The following GANC variants were observed in gnomAD, a reference collection of about 807,000 sequenced individuals.
GANC encodes the protein glucosidase alpha, neutral C, also known as neutral alpha-glucosidase C.
GANC carries 117 observed loss-of-function variants against 124.2 expected under a neutral mutation model. The ratio of observed to expected loss-of-function variants is 0.94; its 90% confidence interval spans 0.81 to 1.10. The LOEUF (loss-of-function observed/expected upper bound fraction) is 1.10. GANC is among the 50% of genes least tolerant of loss of function. The pLI, the probability that GANC is intolerant of heterozygous loss-of-function variation, is 0.00. For missense variants in GANC, 1,140 were observed against 1,095.0 expected (o/e 1.04, Z -0.58); for synonymous variants, 377 against 376.8 (o/e 1.00, Z -0.01).
Position 42,273,409 on chromosome 15 carries a change from G to C in GANC, c.-1073G>C. ...CGCAGCCGCCGCCATCTTCACAGCC[G>C]TGGAGTGCCTACCGAAAGCATTTCA... On this transcript the variant is annotated 5_prime_UTR_variant, in exon 1 of 24. Coordinates refer to ENST00000318010, the MANE Select transcript of GANC (RefSeq NM_198141.3). The C allele has an allele frequency of 6.2e-7, 1 of 1,613,722 alleles. No homozygotes were observed. The highest frequency in any genetic ancestry group is 8.5e-7 in the Non-Finnish European group (1 of 1,179,968).
rs2141063874 is a variant in GANC at position 42,329,442 on chromosome 15, T to C, written c.1637T>C (p.Phe546Ser). The C allele has an allele frequency of 6.2e-7, 1 of 1,608,968 alleles. No homozygotes were observed. The highest frequency in any genetic ancestry group is 1.3e-5 in the African/African-American group (1 of 74,778). The change falls in exon 14 of 24, where the codon TTT (phenylalanine) becomes TCT (serine). Residue 546 changes from phenylalanine (F) to serine (S), a missense_variant. Physicochemically the swap from Phe to Ser is radical, Grantham distance 155. Coordinates refer to ENST00000318010, the MANE Select transcript of GANC (RefSeq NM_198141.3). ...EHRELHNIYGFYHQMATAEGL... is the reference protein window; with the variant it reads ...EHRELHNIYGSYHQMATAEGL... The stretch of plus-strand genomic sequence containing the variant: ...AGAGAGCTCCACAACATCTACGGTT[T>C]TTATCATGTAAGACATCCAAAAAGA...
At chr15:42,284,655 G>A (rs937132832) in intron 3 of GANC, among the ~76,000 whole-genome samples, 11 of 152,016 alleles carry the variant, frequency 7.2e-5, no homozygotes, top group African/African-American at 2.7e-4. Flanking sequence ...TAAAGAGATG[G>A]GGTCTCACTG....
At chr15:42,322,524 G>T (rs1412533611) in intron 11 of GANC, among the ~76,000 whole-genome samples, 4 of 152,110 alleles carry the variant, frequency 2.6e-5, no homozygotes, top group Non-Finnish European at 4.4e-5. Context: ...GCAGGCTGAG[G>T]CTTAGATAGT....
At chr15:42,284,235 T>G (rs1278766226) in intron 3 of GANC, 1 of 559,004 alleles carries the variant, frequency 1.8e-6, no homozygotes, top group East Asian at 2.9e-5. Context: ...TTGTTAATTC[T>G]ATTATGGTCT....
chr15:42,339,532 T>C, intron 16 of GANC, 137 bp from the exon 17 acceptor site: 1 of 1,004,260 alleles, frequency 1.0e-6, no homozygotes, highest in Non-Finnish European at 1.5e-6. Context: ...GTCACCTGTT[T>C]GAGGCCACGG....
intron 16 of GANC, 103 bp from the exon 17 acceptor site, chr15:42,339,566 A>G (rs1004269406): frequency 8.1e-6 from 11 of 1,358,694 alleles, no homozygotes; most frequent in Non-Finnish European, 1.1e-5. Flanking sequence ...TTTGAAGTGC[A>G]TATACTGCAC....
chr15:42,347,102 C>T (rs1232106437), intron 20 of GANC, among the ~76,000 whole-genome samples: 5 of 151,740 alleles, frequency 3.3e-5, no homozygotes, highest in African/African-American at 9.7e-5. Context: ...GAGACAAGCC[C>T]CCAGGTGCAT....
At chr15:42,349,523 TTTC>T in intron 22 of GANC, 28 bp downstream of exon 22, 1 of 1,301,754 alleles carries the variant, frequency 7.7e-7, no homozygotes, top group South Asian at 1.2e-5. Context: ...AACTGTTTGT[TTTC>T]TTAAGTAAAT....
chr15:42,338,934 C>T (rs1271633926), intron 16 of GANC, among the ~76,000 whole-genome samples: 1 of 152,104 alleles, frequency 6.6e-6, no homozygotes, highest in Non-Finnish European at 1.5e-5. Flanking sequence ...AAAACATATG[C>T]TCTTGAGAAA....
chr15:42,330,501 A>G (rs1432053742), intron 14 of GANC, 75 bp from the exon 15 acceptor site: 3 of 984,612 alleles, frequency 3.0e-6, no homozygotes, highest in Admixed American at 2.0e-5. Context: ...TGCTTTTTGT[A>G]TGTTAGATAG....
intron 6 of GANC, among the ~76,000 whole-genome samples, chr15:42,302,133 G>A (rs2051951369): frequency 6.6e-6 from 1 of 152,162 alleles, no homozygotes; most frequent in African/African-American, 2.4e-5. Flanking sequence ...GTGCCCCTCT[G>A]GGACTAAGCT....
chr15:42,320,957 A>G (rs2052150896), intron 10 of GANC, among the ~76,000 whole-genome samples: 2 of 151,674 alleles, frequency 1.3e-5, no homozygotes, highest in Non-Finnish European at 2.9e-5. Context: ...TGTTGAAATT[A>G]CTCCACTCCC....
At chr15:42,281,093 T>C (rs1204012241) in intron 3 of GANC, 1 of 702,566 alleles carries the variant, frequency 1.4e-6, no homozygotes, top group East Asian at 2.7e-5. Context: ...CTCCCAAGAC[T>C]GAGAACTTTG....
chr15:42,281,776 G>T (rs566659326), intron 3 of GANC, among the ~76,000 whole-genome samples: 1 of 152,324 alleles, frequency 6.6e-6, no homozygotes, highest in African/African-American at 2.4e-5. Context: ...TGTGAAGGCT[G>T]TACTAATAAA....
At chr15:42,312,690 G>A (rs994038274) in intron 10 of GANC, among the ~76,000 whole-genome samples, 30 of 152,160 alleles carry the variant, frequency 2.0e-4, no homozygotes, top group Non-Finnish European at 2.2e-4. Context: ...CTGTAATCCT[G>A]CACTTTGGGA....
chr15:42,295,788 A>G (rs115461068), intron 5 of GANC, among the ~76,000 whole-genome samples: 148 of 152,312 alleles, frequency 9.7e-4, no homozygotes, highest in African/African-American at 3.5e-3. Context: ...AAAAAGCTCA[A>G]CAAATCAGTT....
At chr15:42,328,722 T>C (rs931569010) in intron 13 of GANC, among the ~76,000 whole-genome samples, 14 of 152,314 alleles carry the variant, frequency 9.2e-5, no homozygotes, top group Non-Finnish European at 1.8e-4. Context: ...AAAAGATAAG[T>C]GATTCTAGAA....
rs1341626914 is a variant in GANC, at chr15:42,330,694, A to C, written c.1741+22A>C. Reference sequence around the variant, plus strand: ...TATGGTAAGGAATGGCTCATATCAGACTTAAAAACACATTAGCAACTTTTT... The same window carrying C: ...TATGGTAAGGAATGGCTCATATCAGCCTTAAAAACACATTAGCAACTTTTT... On this transcript the variant is annotated intron_variant, in intron 15 of 23. Transcript: ENST00000318010. 2.0e-6 allele frequency: 3 copies of C among 1,534,908 alleles called. No homozygotes were observed. The Admixed American group carries it at 5.8e-5, about 30-fold the overall frequency.
intron 5 of GANC, among the ~76,000 whole-genome samples, chr15:42,293,463 A>G (rs141737338): frequency 3.0e-4 from 45 of 152,260 alleles, no homozygotes; most frequent in African/African-American, 1.0e-3. Flanking sequence ...GTATTATATG[A>G]TCTGCAGAAA....
Sources: gnomAD v4.1 joint callset for allele counts (sites outside exome capture counted in the v4.1 genomes callset) on GRCh38, gnomAD v4.1.1 for gene constraint, MANE v1.5 for transcripts, NCBI Gene and HGNC (gene_info 2026-07-23, HGNC 2026-07-21) for gene names.